The following FRMD4A variants were observed in gnomAD, a reference collection of about 807,000 sequenced individuals.
FRMD4A encodes the protein FERM domain-containing protein 4A.
In FRMD4A, 29 loss-of-function variants were observed where a neutral mutation model predicts 129.1. The ratio of observed to expected loss-of-function variants is 0.22; its 90% CI spans 0.17 to 0.31. The LOEUF (loss-of-function observed/expected upper bound fraction) is 0.31, where lower values mean the gene tolerates loss of function less well. Ranked by LOEUF, FRMD4A falls within the 10% of genes least tolerant of loss-of-function variation. The probability of loss-of-function intolerance (pLI) is 1.00; values close to 1 mark genes in which losing one functional copy is unlikely to be tolerated. For missense variants in FRMD4A, 1,272 were observed against 1,375.8 expected, an observed-to-expected ratio of 0.92 and a Z score of 1.19; for synonymous variants, 634 against 571.6, an observed-to-expected ratio of 1.11 and a Z score of -1.56.
At chr10:14,090,085 C>T (rs1836572259) in intron 2 of FRMD4A, among the ~76,000 whole-genome samples, 1 of 152,190 alleles carries the variant, frequency 6.6e-6, no homozygotes, top group South Asian at 2.1e-4. Context: ...CAGATGGCTG[C>T]TGGGAGAATA....
intron 10 of FRMD4A, 27 bp from the exon 11 acceptor site, chr10:13,740,278 A>C (rs2090910442): frequency 1.3e-6 from 2 of 1,526,010 alleles, no homozygotes; most frequent in East Asian, 4.5e-5. Context: ...AAGATACACA[A>C]ACACACACAC....
intron 3 of FRMD4A, among the ~76,000 whole-genome samples, chr10:13,816,882 C>G (rs2093553114): frequency 6.6e-6 from 1 of 152,192 alleles, no homozygotes; most frequent in South Asian, 2.1e-4. Context: ...GCCTGTGCTC[C>G]CTGGGTTTGT....
At chr10:13,682,652 C>T (rs1487735085) in intron 15 of FRMD4A, among the ~76,000 whole-genome samples, 7 of 151,664 alleles carry the variant, frequency 4.6e-5, no homozygotes, top group Non-Finnish European at 8.8e-5. Context: ...AGGCACACGC[C>T]ACCACGCCCG....
intron 2 of FRMD4A, among the ~76,000 whole-genome samples, chr10:14,221,166 G>A (rs1843247397): frequency 6.6e-6 from 1 of 152,172 alleles, no homozygotes; most frequent in Non-Finnish European, 1.5e-5. Flanking sequence ...ATGGGGCAAA[G>A]CAGAAGCAAG....
chr10:14,132,056 C>G (rs533551653), intron 2 of FRMD4A, among the ~76,000 whole-genome samples: 1 of 152,128 alleles, frequency 6.6e-6, no homozygotes, highest in Non-Finnish European at 1.5e-5. Context: ...GAGGCCAAGA[C>G]GGGCAAATTA....
chr10:13,682,489 CTTTCTTTCTT>C (rs2084687593), intron 15 of FRMD4A, among the ~76,000 whole-genome samples: 1 of 131,250 alleles, frequency 7.6e-6, no homozygotes, highest in African/African-American at 2.9e-5. Flanking sequence ...TTCCCATTTT[CTTTCTTTCTT>C]TTTTTTTTTT....
chr10:13,861,360 T>C (rs2094292306), intron 2 of FRMD4A, among the ~76,000 whole-genome samples: 1 of 152,172 alleles, frequency 6.6e-6, no homozygotes, highest in Non-Finnish European at 1.5e-5. Context: ...TATGAGAAAA[T>C]TATCTTATTC....
chr10:14,139,532 C>A (rs1278023812), intron 2 of FRMD4A, among the ~76,000 whole-genome samples: 1 of 152,104 alleles, frequency 6.6e-6, no homozygotes, highest in African/African-American at 2.4e-5. Context: ...TCTCTACAAC[C>A]TTGACTTCCT....
intron 6 of FRMD4A, among the ~76,000 whole-genome samples, chr10:13,781,210 A>C (rs1411795335): frequency 2.7e-5 from 4 of 147,354 alleles, no homozygotes; most frequent in Non-Finnish European, 6.0e-5. Context: ...AGGGTGAAGT[A>C]GGAGGATCAC....
intron 6 of FRMD4A, among the ~76,000 whole-genome samples, chr10:13,779,716 T>A (rs943624852): frequency 6.6e-6 from 1 of 152,166 alleles, no homozygotes; most frequent in African/African-American, 2.4e-5. Context: ...TATTATTTGA[T>A]TTATTTCAAG....
At chr10:14,057,898 G>A (rs562568588) in intron 2 of FRMD4A, among the ~76,000 whole-genome samples, 17 of 152,220 alleles carry the variant, frequency 1.1e-4, no homozygotes, top group African/African-American at 4.1e-4. Flanking sequence ...TGGTTGTGTC[G>A]GTTTCTCTTG....
At chr10:13,723,790 C>A (rs2089661738) in intron 12 of FRMD4A, among the ~76,000 whole-genome samples, 1 of 152,132 alleles carries the variant, frequency 6.6e-6, no homozygotes, top group Admixed American at 6.5e-5. Context: ...TCTCCTTCAA[C>A]CTGGAAAGAG....
intron 12 of FRMD4A, among the ~76,000 whole-genome samples, chr10:13,733,213 A>G (rs1347885872): frequency 6.6e-6 from 1 of 152,244 alleles, no homozygotes; most frequent in East Asian, 1.9e-4. Flanking sequence ...TCCCTTAAAC[A>G]TAACACAGAT....
chr10:13,911,130 A>G (rs1368867356), intron 2 of FRMD4A, among the ~76,000 whole-genome samples: 1 of 152,180 alleles, frequency 6.6e-6, no homozygotes, highest in Non-Finnish European at 1.5e-5. Context: ...AATCCTGACT[A>G]CAGCTTTGAA....
intron 2 of FRMD4A, among the ~76,000 whole-genome samples, chr10:13,869,006 A>ACCCG (rs2094408336): frequency 6.6e-6 from 1 of 152,162 alleles, no homozygotes; most frequent in African/African-American, 2.4e-5. Flanking sequence ...TCAAGTCATA[A>ACCCG]CCCGGGCTGG....
At chr10:13,819,525 A>G (rs556316521) in intron 3 of FRMD4A, among the ~76,000 whole-genome samples, 1 of 152,070 alleles carries the variant, frequency 6.6e-6, no homozygotes, top group East Asian at 1.9e-4. Flanking sequence ...GTTGTGGTAA[A>G]CTTTGTGTGA....
chr10:14,268,912 C>G (rs563200528), intron 2 of FRMD4A, among the ~76,000 whole-genome samples: 1 of 152,280 alleles, frequency 6.6e-6, no homozygotes, highest in Admixed American at 6.5e-5. Flanking sequence ...GAAAATCTCC[C>G]CATATTTAAA....
intron 6 of FRMD4A, 99 bp downstream of exon 6, chr10:13,782,823 T>C (rs1197619607): frequency 1.4e-6 from 1 of 736,690 alleles, no homozygotes; most frequent in Admixed American, 1.9e-5. Context: ...TGACTTCTCC[T>C]AATCAATAAA....
chr10:13,795,433 G>C (rs2130822352), intron 5 of FRMD4A, among the ~76,000 whole-genome samples: 1 of 152,370 alleles, frequency 6.6e-6, no homozygotes, highest in South Asian at 2.1e-4. Context: ...ACTCGAGCCT[G>C]TTAAGTGGAC....
Sources: allele counts gnomAD v4.1 joint callset (sites outside exome capture counted in the v4.1 genomes callset), GRCh38; gene constraint gnomAD v4.1.1; transcripts MANE v1.5; gene names NCBI Gene and HGNC (gene_info 2026-07-23, HGNC 2026-07-21).